Variants in GRIK3 observed in about 807,000 individuals in gnomAD.
The protein encoded by GRIK3 is glutamate ionotropic receptor kainate type subunit 3.
Under a neutral mutation model 102.5 loss-of-function variants are expected in GRIK3, and 29 were observed. The ratio of observed to expected loss-of-function variants is 0.28; its 90% CI spans 0.21 to 0.39. The LOEUF is 0.39. Among genes scored for constraint, GRIK3 ranks in the 10% least tolerant of loss-of-function variants. The pLI, the probability that GRIK3 is intolerant of heterozygous loss-of-function variation, is 1.00. For missense variants in GRIK3, 908 were observed against 1,252.4 expected, an observed-to-expected ratio of 0.73 and a Z score of 4.15; for synonymous variants, 511 against 504.9, an observed-to-expected ratio of 1.01 and a Z score of -0.16.
chr1:37,025,180 G>A (rs991570964), intron 1 of GRIK3, among the ~76,000 whole-genome samples: 2 of 152,210 alleles, frequency 1.3e-5, no homozygotes, highest in Non-Finnish European at 2.9e-5. Flanking sequence ...GTAAAGCATG[G>A]ATGGGGCCTA....
At chr1:36,987,471 C>T (rs985837515) in intron 1 of GRIK3, among the ~76,000 whole-genome samples, 4 of 152,168 alleles carry the variant, frequency 2.6e-5, no homozygotes, top group East Asian at 3.9e-4. Flanking sequence ...AGCAGATAAT[C>T]ATCAAGGGCA....
intron 1 of GRIK3, among the ~76,000 whole-genome samples, chr1:36,934,931 C>T (rs903179778): frequency 6.6e-6 from 1 of 152,238 alleles, no homozygotes. Context: ...TTCTCCATAT[C>T]TGGCACCTTT....
At chr1:36,953,011 G>A (rs1344624391) in intron 1 of GRIK3, among the ~76,000 whole-genome samples, 1 of 152,246 alleles carries the variant, frequency 6.6e-6, no homozygotes, top group Non-Finnish European at 1.5e-5. Flanking sequence ...GAAGGGCTCT[G>A]CAGGCTGACC....
chr1:37,034,083 C>G lies in GRIK3; in HGVS notation c.26G>C (p.Arg9Pro). MTAPWRRL[R>P]SLVWEYWAGL... ...GGCCCAGTATTCCCAAACCAGACTC[C>G]GGAGGCGCCGCCAGGGAGCGGTCAT... is the stretch of plus-strand genomic sequence containing the variant. The change falls in exon 1 of 16, where the codon CGG becomes CCG. Residue 9 changes from arginine to proline, a missense_variant. Physicochemically the swap from Arg to Pro is moderately radical, Grantham distance 103. Transcript: ENST00000373091. 1.9e-6 allele frequency: 3 copies of G among 1,589,458 alleles called. No homozygotes were observed. The highest frequency in any genetic ancestry group is 2.6e-6 in the Non-Finnish European group (3 of 1,169,216).
At chr1:36,816,127 C>T (rs931277771) in intron 13 of GRIK3, among the ~76,000 whole-genome samples, 5 of 152,122 alleles carry the variant, frequency 3.3e-5, no homozygotes, top group African/African-American at 1.2e-4. Flanking sequence ...TAAAACAGGG[C>T]CCTCGAGGAA....
intron 1 of GRIK3, among the ~76,000 whole-genome samples, chr1:37,031,122 T>G (rs1276726187): frequency 6.6e-6 from 1 of 152,146 alleles, no homozygotes; most frequent in Non-Finnish European, 1.5e-5. Context: ...CAAACAATAA[T>G]AACGACGATA....
intron 3 of GRIK3, among the ~76,000 whole-genome samples, chr1:36,874,199 A>C (rs1028999294): frequency 2.0e-5 from 3 of 152,214 alleles, no homozygotes; most frequent in African/African-American, 7.2e-5. Context: ...CCAGTTTCCA[A>C]AACAATCTCT....
intron 10 of GRIK3, among the ~76,000 whole-genome samples, chr1:36,828,812 G>A (rs1642783102): frequency 6.6e-6 from 1 of 152,178 alleles, no homozygotes. Flanking sequence ...ATGGCAAGTT[G>A]GATAAGAGAG....
intron 1 of GRIK3, among the ~76,000 whole-genome samples, chr1:36,909,604 T>G (rs1192954629): frequency 1.3e-5 from 2 of 152,124 alleles, no homozygotes; most frequent in Admixed American, 1.3e-4. Context: ...CCCGGCCTTT[T>G]TTTCTTTTTT....
intron 1 of GRIK3, among the ~76,000 whole-genome samples, chr1:36,892,571 A>G (rs763137443): frequency 7.9e-5 from 12 of 152,058 alleles, no homozygotes; most frequent in African/African-American, 1.9e-4. Flanking sequence ...ATGAAGAGAC[A>G]TGGTGTGTTT....
At chr1:36,962,764 A>T (rs1642028027) in intron 1 of GRIK3, among the ~76,000 whole-genome samples, 1 of 151,816 alleles carries the variant, frequency 6.6e-6, no homozygotes, top group Non-Finnish European at 1.5e-5. Flanking sequence ...ACGGATAAAA[A>T]ATGAAGGAAG....
intron 13 of GRIK3, among the ~76,000 whole-genome samples, chr1:36,816,041 G>C (rs1391371958): frequency 6.6e-6 from 1 of 152,110 alleles, no homozygotes; most frequent in Non-Finnish European, 1.5e-5. Context: ...GAGCCACCGT[G>C]CCTGGCCTGC....
intron 1 of GRIK3, among the ~76,000 whole-genome samples, chr1:37,033,111 C>T (rs1283642332): frequency 6.6e-6 from 1 of 152,234 alleles, no homozygotes; most frequent in Non-Finnish European, 1.5e-5. Context: ...CGGCCCGGGA[C>T]ATGCGCGGCG....
chr1:36,816,295 C>T (rs972022311), intron 13 of GRIK3, among the ~76,000 whole-genome samples: 5 of 152,190 alleles, frequency 3.3e-5, no homozygotes, highest in African/African-American at 1.2e-4. Context: ...CAGCATTTAG[C>T]GCAGCTCTTG....
chr1:36,998,648 C>T (rs1417928797), intron 1 of GRIK3, among the ~76,000 whole-genome samples: 1 of 152,228 alleles, frequency 6.6e-6, no homozygotes, highest in East Asian at 1.9e-4. Flanking sequence ...GGGTTTGTGC[C>T]ATGGGGTTAT....
rs765867454 is a variant in GRIK3 at position 36,801,912 on chromosome 1, C to T, written c.2699G>A (p.Arg900His). 11 of 1,613,734 alleles carry T rather than the reference C, an allele frequency of 6.8e-6. No homozygotes were observed. Among genetic ancestry groups the T allele is most frequent in the East Asian group, 6.7e-5 (3 of 44,892 alleles). Reference protein sequence around the residue: ...AVINMHTFNDRRLPGKDSMAC... With the variant: ...AVINMHTFNDHRLPGKDSMAC... ...CATGCTGTCCTTGCCGGGAAGCCGG[C>T]GGTCATTGAATGTGTGCATGTTGAT... Residue 900 changes from arginine to histidine, a missense_variant, in exon 16 of 16, where the codon CGC becomes CAC. Around this residue, in one of 3 missense-constraint regions of GRIK3, gnomAD observed 297 missense variants for 362.7 expected, o/e 0.82. Coordinates refer to ENST00000373091, the MANE Select transcript of GRIK3 (RefSeq NM_000831.4).
chr1:36,820,949 T>C (rs1421550377), intron 11 of GRIK3, among the ~76,000 whole-genome samples: 1 of 152,144 alleles, frequency 6.6e-6, no homozygotes, highest in East Asian at 1.9e-4. Flanking sequence ...CTCGAGAGGT[T>C]GGGGGGACCC....
chr1:36,835,071 T>C (rs746831182), intron 10 of GRIK3, among the ~76,000 whole-genome samples: 2 of 152,352 alleles, frequency 1.3e-5, no homozygotes, highest in South Asian at 2.1e-4. Context: ...GTCTGATTCA[T>C]TGTTTGCCCC....
At chr1:37,021,598 G>A (rs191254483) in intron 1 of GRIK3, among the ~76,000 whole-genome samples, 28 of 152,288 alleles carry the variant, frequency 1.8e-4, no homozygotes, top group African/African-American at 6.5e-4. Context: ...TCAATGTTAC[G>A]AGACAAGTAA....
Sources: gnomAD v4.1 joint callset for allele counts (sites outside exome capture counted in the v4.1 genomes callset) on GRCh38, gnomAD v4.1.1 for gene constraint, gnomAD v4.1.1 regional missense constraint, MANE v1.5 for transcripts, NCBI Gene and HGNC (gene_info 2026-07-23, HGNC 2026-07-21) for gene names.